LPAR1: variants seen among roughly 807,000 people sequenced by gnomAD.
The protein encoded by LPAR1 is lysophosphatidic acid receptor 1.
A neutral mutation model predicts 23.8 loss-of-function variants in LPAR1; 5 were observed. The observed-to-expected ratio is 0.21, with a 90% CI of 0.11 to 0.44. The LOEUF is 0.44. LPAR1 is among the 20% of genes least tolerant of loss of function. LPAR1 has a pLI of 0.99. For missense variants in LPAR1, 311 were observed against 482.8 expected, an observed-to-expected ratio of 0.64 and a Z score of 3.33; for synonymous variants, 160 against 164.7, an observed-to-expected ratio of 0.97 and a Z score of 0.22.
At chr9:110,902,755 A>G (rs1183218039) in intron 5 of LPAR1, among the ~76,000 whole-genome samples, 2 of 152,150 alleles carry the variant, frequency 1.3e-5, no homozygotes, top group African/African-American at 4.8e-5. Context: ...AAAAGGCTCC[A>G]CCTGGGAAGT....
chr9:110,874,024 T>TTACAAA lies in LPAR1; in HGVS notation c.*1396_*1397insTTTGTA, dbSNP rs2078616871. 1 of 152,656 alleles carries TTACAAA rather than the reference T, an allele frequency of 6.6e-6. No individual in the cohort carries two copies. The highest frequency in any genetic ancestry group is 6.5e-5 in the Admixed American group (1 of 15,280). 9.5% of individuals were successfully genotyped at this position (152,656 alleles called of 1,614,324 possible). Reference sequence around the variant, plus strand: ...TTTGTAAAAAGGTCATTTGACTGGCTTTTCCTCACAACTGCCACCCATGCA... The same window carrying TTACAAA: ...TTTGTAAAAAGGTCATTTGACTGGCTTACAAATTTCCTCACAACTGCCACCCATGCA... On this transcript the variant is annotated 3_prime_UTR_variant, in exon 6 of 6. Coordinates refer to ENST00000683809, the MANE Select transcript of LPAR1 (RefSeq NM_001351411.2).
chr9:110,937,748 ACAAGT>A (rs767220573), intron 5 of LPAR1, among the ~76,000 whole-genome samples: 1 of 152,254 alleles, frequency 6.6e-6, no homozygotes, highest in Non-Finnish European at 1.5e-5. Context: ...TTGACTCATA[ACAAGT>A]CAGTTGCTGA....
At chr9:110,975,142 A>G (rs1203966472) in intron 2 of LPAR1, among the ~76,000 whole-genome samples, 2 of 152,240 alleles carry the variant, frequency 1.3e-5, no homozygotes, top group Non-Finnish European at 2.9e-5. Context: ...CTCAGGTCCA[A>G]TATCATTTCA....
intron 2 of LPAR1, among the ~76,000 whole-genome samples, chr9:111,021,630 C>T (rs1411204511): frequency 1.3e-5 from 2 of 152,104 alleles, no homozygotes; most frequent in Non-Finnish European, 2.9e-5. Flanking sequence ...AAAATTAATT[C>T]CAAGTGTTGT....
chr9:111,032,478 C>A (rs144669574), intron 2 of LPAR1, among the ~76,000 whole-genome samples: 1 of 152,152 alleles, frequency 6.6e-6, no homozygotes, highest in Admixed American at 6.5e-5. Context: ...TTCACACTCA[C>A]CCCTAGTAAA....
At chr9:110,925,478 C>T (rs1288290739) in intron 5 of LPAR1, among the ~76,000 whole-genome samples, 1 of 152,084 alleles carries the variant, frequency 6.6e-6, no homozygotes. Flanking sequence ...TGGGATTCTA[C>T]ATCATTGATT....
intron 2 of LPAR1, among the ~76,000 whole-genome samples, chr9:111,008,606 T>G (rs1221338661): frequency 6.6e-6 from 1 of 151,928 alleles, no homozygotes; most frequent in Non-Finnish European, 1.5e-5. Context: ...GCTGAACTAA[T>G]AGAAAAAATA....
chr9:110,942,299 C>G (rs2095158591), intron 4 of LPAR1, 131 bp from the exon 5 acceptor site: 1 of 713,450 alleles, frequency 1.4e-6, no homozygotes, highest in African/African-American at 1.8e-5. Context: ...ACATTTGATC[C>G]TGCATACCAT....
At chr9:110,899,085 TAATGTTAAGAATGG>T (rs2087645206) in intron 5 of LPAR1, among the ~76,000 whole-genome samples, 2 of 152,160 alleles carry the variant, frequency 1.3e-5, no homozygotes, top group African/African-American at 4.8e-5. Context: ...TCTGGAGAAT[TAATGTTAAGAATGG>T]AATGTTAAGA....
chr9:110,879,730 G>A (rs1202753596), intron 5 of LPAR1, among the ~76,000 whole-genome samples: 1 of 152,188 alleles, frequency 6.6e-6, no homozygotes, highest in African/African-American at 2.4e-5. Context: ...ATAAAGTAAA[G>A]GCAAAACTAT....
intron 2 of LPAR1, among the ~76,000 whole-genome samples, chr9:111,029,758 T>A (rs896020122): frequency 2.6e-5 from 4 of 152,014 alleles, no homozygotes; most frequent in African/African-American, 9.7e-5. Context: ...TTTTTAATTT[T>A]AGTGTCCTCA....
intron 2 of LPAR1, among the ~76,000 whole-genome samples, chr9:110,974,800 G>T (rs914969406): frequency 2.6e-5 from 4 of 152,152 alleles, no homozygotes; most frequent in African/African-American, 9.7e-5. Context: ...TATGTATACA[G>T]GACCTTTCTT....
chr9:111,018,195 G>T (rs1215259877), intron 2 of LPAR1, among the ~76,000 whole-genome samples: 1 of 152,148 alleles, frequency 6.6e-6, no homozygotes, highest in Non-Finnish European at 1.5e-5. Context: ...TGTCATCCAG[G>T]ACAGATTATT....
chr9:110,898,163 C>T (rs549345781), intron 5 of LPAR1, among the ~76,000 whole-genome samples: 1 of 152,268 alleles, frequency 6.6e-6, no homozygotes, highest in Non-Finnish European at 1.5e-5. Context: ...GACCTTAAAA[C>T]AACACAATGC....
At chr9:110,998,952 T>G (rs931834911) in intron 2 of LPAR1, among the ~76,000 whole-genome samples, 1 of 152,214 alleles carries the variant, frequency 6.6e-6, no homozygotes, top group South Asian at 2.1e-4. Flanking sequence ...AAATGGAACT[T>G]GATCTGTCAA....
At chr9:110,915,243 G>A (rs888805307) in intron 5 of LPAR1, among the ~76,000 whole-genome samples, 2 of 152,150 alleles carry the variant, frequency 1.3e-5, no homozygotes, top group Non-Finnish European at 2.9e-5. Context: ...ATTTGAAAAT[G>A]AATATACAAC....
Position 111,024,297 on chromosome 9 carries a change from A to T in LPAR1, c.-182+11825T>A, listed in dbSNP as rs115611579. Among the ~76,000 whole-genome samples, 1,144 of 151,526 alleles carry T rather than the reference A, an allele frequency of 7.5e-3. 19 individuals are homozygous for T. The highest frequency in any genetic ancestry group is 0.026 in the African/African-American group (1,091 of 41,346). ...AGGTCAAGAGCAGTCAAATACCAGC[A>T]ATCTCATATGATTCAACTTACCAAT... On this transcript the variant is annotated intron_variant, in intron 2 of 5. Transcript: ENST00000683809.
At chr9:110,919,541 G>T (rs1226712817) in intron 5 of LPAR1, among the ~76,000 whole-genome samples, 1 of 152,124 alleles carries the variant, frequency 6.6e-6, no homozygotes, top group African/African-American at 2.4e-5. Flanking sequence ...CATAGAAAAT[G>T]AATACAACAC....
intron 2 of LPAR1, among the ~76,000 whole-genome samples, chr9:111,014,781 T>C (rs1488581660): frequency 1.3e-5 from 2 of 152,102 alleles, no homozygotes; most frequent in Non-Finnish European, 2.9e-5. Context: ...AAATGCATTA[T>C]AGAACCACCA....
Sources: gnomAD v4.1 joint callset for allele counts (sites outside exome capture counted in the v4.1 genomes callset) on GRCh38, gnomAD v4.1.1 for gene constraint, MANE v1.5 for transcripts, NCBI Gene and HGNC (gene_info 2026-07-23, HGNC 2026-07-21) for gene names.